Variants in GFUS observed in about 807,000 individuals in gnomAD.
The protein encoded by GFUS is GDP-L-fucose synthase.
GFUS carries 42 observed loss-of-function variants against 41.5 expected under a neutral mutation model. That is an observed-to-expected ratio of 1.01 (90% CI 0.79 to 1.31). GFUS has a LOEUF of 1.31. GFUS is among the 50% of genes most tolerant of loss of function. The pLI is 0.00. For synonymous variants in GFUS, 188 were observed against 173.4 expected (o/e 1.08, Z -0.66); for missense variants, 437 against 428.7 (o/e 1.02, Z -0.17).
rs1829603199 is a variant in GFUS at position 143,612,652 on chromosome 8, G to C, written c.*258C>G. The C allele has an allele frequency of 3.4e-6, 2 of 590,428 alleles. No individual in the cohort carries two copies. The highest frequency in any genetic ancestry group is 4.0e-5 in the South Asian group (2 of 49,686). The allele number at this position is 590,428 out of a possible 1,614,324, so 36.6% of individuals were successfully genotyped here. On this transcript the variant is annotated 3_prime_UTR_variant, in exon 11 of 11. Coordinates refer to ENST00000425753, the MANE Select transcript of GFUS (RefSeq NM_003313.4). ...AATGCACTTTATTGGCTCCCAGGGA[G>C]TGGGATGCAGGATCAGAGTGGACAC...
chr8:143,613,119 T>C lies in GFUS; in HGVS notation c.910+77A>G. On this transcript the variant is annotated intron_variant, in intron 10 of 10. Transcript: ENST00000425753. ...ACAGGCTCTGAGGGGGCACCTCACCTCTGCCCTGGTAGCGAGCATGAGGGA... is the reference window on the plus strand; with the variant it reads ...ACAGGCTCTGAGGGGGCACCTCACCCCTGCCCTGGTAGCGAGCATGAGGGA... 1.3e-6 allele frequency: 2 copies of C among 1,541,412 alleles called. 1 individual carries two copies. Among genetic ancestry groups the C allele is most frequent in the South Asian group, 2.2e-5 (2 of 89,706 alleles).
Position 143,614,698 on chromosome 8 carries a change from C to T in GFUS, c.391-1G>A. On this transcript the variant is annotated splice_acceptor_variant, in intron 4 of 10. Transcript: ENST00000425753. LOFTEE classifies it high-confidence loss of function. Reference sequence around the variant, plus strand: ...TGTTGTGGGGAGGCCCATTGTGGATCTGCGGGCGTGGGAGAGGCAGAGGCC... The same window carrying T: ...TGTTGTGGGGAGGCCCATTGTGGATTTGCGGGCGTGGGAGAGGCAGAGGCC... The T allele has an allele frequency of 6.2e-7, 1 of 1,613,044 alleles. No individual in the cohort carries two copies. Among genetic ancestry groups the T allele is most frequent in the Non-Finnish European group, 8.5e-7 (1 of 1,179,500 alleles).
intron 3 of GFUS, 174 bp downstream of exon 3, chr8:143,615,932 G>C (rs910128795): frequency 1.7e-6 from 1 of 591,228 alleles, no homozygotes; most frequent in South Asian, 2.2e-5. Context: ...ACAGCACCAA[G>C]TGTGAGTGAC....
At chr8:143,615,896 C>T in intron 3 of GFUS, 1 of 484,318 alleles carries the variant, frequency 2.1e-6, no homozygotes, top group Non-Finnish European at 3.6e-6. Flanking sequence ...CAAGTGCCTC[C>T]AGGCCCCCTG....
At chr8:143,613,391 C>A in intron 9 of GFUS, 96 bp from the exon 10 acceptor site, 2 of 1,487,780 alleles carry the variant, frequency 1.3e-6, no homozygotes, top group Non-Finnish European at 1.9e-6. Context: ...GGAGCCACAG[C>A]AGAGCTCCTC....
upstream of GFUS, chr8:143,618,023 G>C (rs1210595134): frequency 6.6e-6 from 1 of 152,294 alleles, no homozygotes; most frequent in Non-Finnish European, 1.5e-5. Context: ...GGTACGCCCA[G>C]GCTCGGGCAG....
At position 143,613,916 on chromosome 8, in the gene GFUS, G is replaced by A. The variant is rs948601727; in HGVS notation, c.664-99C>T. The A allele has an allele frequency of 2.9e-6, 4 of 1,357,918 alleles. No homozygotes were observed. The African/African-American group carries it at 4.3e-5, about 15-fold the overall frequency. The allele number at this position is 1,357,918 out of a possible 1,614,324, so 84.1% of individuals were successfully genotyped here. A position where few individuals can be genotyped will look rare whatever the true frequency, so the allele number is the denominator to read the frequency against. ...CCATACTGCTGTCCTTGTTCAGTGG[G>A]GGCTCAGCCTGGGGAACAGGGGTCC... is the stretch of plus-strand genomic sequence containing the variant. On this transcript the variant is annotated intron_variant, in intron 7 of 10. Transcript: ENST00000425753.
Position 143,616,590 on chromosome 8 carries a change from G to C in GFUS, c.123C>G (p.Val41=). The stretch of plus-strand genomic sequence containing the variant: ...ACGTGAGATCGGCGTCTTTAGAGGA[G>C]ACAAACACCCAGTCCTCTCCAGGAA... The part of the protein sequence containing the change: ...AGLPGEDWVF[V]SSKDADLTDT... Residue 41 remains valine, a synonymous_variant, in exon 2 of 11, where the codon GTC becomes GTG. Coordinates refer to ENST00000425753, the MANE Select transcript of GFUS (RefSeq NM_003313.4). The C allele has an allele frequency of 6.2e-7, 1 of 1,613,836 alleles. No individual in the cohort carries two copies. The highest frequency in any genetic ancestry group is 8.5e-7 in the Non-Finnish European group (1 of 1,179,976).
Position 143,612,901 on chromosome 8 carries a change from C to A in GFUS, c.*9G>T, listed in dbSNP as rs769745406. ...ATGGTCCGCTGGCACCTGATCCTGT[C>A]TTCCAGCTTCACTTCCGGGCCTGCT... On this transcript the variant is annotated 3_prime_UTR_variant, in exon 11 of 11. Coordinates refer to ENST00000425753, the MANE Select transcript of GFUS (RefSeq NM_003313.4). 6.2e-7 allele frequency: 1 copy of A among 1,605,304 alleles called. No homozygotes were observed. The highest frequency in any genetic ancestry group is 2.3e-5 in the East Asian group (1 of 44,346).
chr8:143,613,058 C>T (rs569359932), intron 10 of GFUS, 93 bp from the exon 11 acceptor site: 12 of 1,567,930 alleles, frequency 7.7e-6, no homozygotes, highest in African/African-American at 2.7e-5. Flanking sequence ...AGGGAAGTCA[C>T]CCCTCAGAGC....
At position 143,614,240 on chromosome 8, in the gene GFUS, G is replaced by A. The variant is rs376454473; in HGVS notation, c.599-12C>T. ...GGCCGAGCCGCTGCCTGCAGATTTG[G>A]GGAAGGAGCAGGTGTCAGAGGCACT... On this transcript the variant is annotated splice_polypyrimidine_tract_variant and intron_variant, in intron 6 of 10. Transcript: ENST00000425753. 291 of 1,613,764 alleles carry A rather than the reference G, an allele frequency of 1.8e-4. No individual in the cohort carries two copies. The highest frequency in any genetic ancestry group is 2.3e-4 in the Non-Finnish European group (271 of 1,180,012).
At position 143,613,745 on chromosome 8, in the gene GFUS, AC is replaced by A. The variant is rs1334301586; in HGVS notation, c.730+5del. On this transcript the variant is annotated splice_donor_5th_base_variant and intron_variant, in intron 8 of 10. Coordinates refer to ENST00000425753, the MANE Select transcript of GFUS (RefSeq NM_003313.4). ...GAGGAAGGGGGCTGAGGGCTGAGGTACCCACCGGAGAGGATGATGGGCTCCA... is the reference window on the plus strand; with the variant it reads ...GAGGAAGGGGGCTGAGGGCTGAGGTACCACCGGAGAGGATGATGGGCTCCA... 4 of 1,551,670 alleles carry A rather than the reference AC, an allele frequency of 2.6e-6. No homozygotes were observed. The East Asian group carries it at 9.8e-5, about 38-fold the overall frequency.
At position 143,616,121 on chromosome 8, in the gene GFUS, G is replaced by A. The variant is rs950131592; in HGVS notation, c.246C>T (p.Tyr82=). The change falls in exon 3 of 11, where the codon TAC becomes TAT. Residue 82 remains tyrosine (Y), a synonymous_variant. Coordinates refer to ENST00000425753, the MANE Select transcript of GFUS (RefSeq NM_003313.4). The stretch of plus-strand genomic sequence containing the variant: ...CCTCACTTACCCAGAAGTCCAAATT[G>A]TATTTGATATTCCGGAACAGGCCCC... ...MVGGLFRNIK[Y]NLDFWRKNVH... 5 of 1,602,610 alleles carry A rather than the reference G, an allele frequency of 3.1e-6. No homozygotes were observed. The highest frequency in any genetic ancestry group is 3.4e-6 in the Non-Finnish European group (4 of 1,172,852).
At chr8:143,616,424 C>T (rs890775328) in intron 2 of GFUS, 143 bp downstream of exon 2, 1 of 1,357,468 alleles carries the variant, frequency 7.4e-7, no homozygotes, top group Non-Finnish European at 1.0e-6. Flanking sequence ...CAAGCACACC[C>T]AGGCCAGGCC....
At chr8:143,614,141 G>A (rs761929040) in intron 7 of GFUS, 23 bp downstream of exon 7, 1 of 1,611,784 alleles carries the variant, frequency 6.2e-7, no homozygotes, top group Non-Finnish European at 8.5e-7. Context: ...TCTCTGGGGA[G>A]AGCTGTGCCT....
At position 143,614,854 on chromosome 8, in the gene GFUS, T is replaced by G. The variant is rs1408645644; in HGVS notation, c.323A>C (p.Lys108Thr). Residue 108 changes from lysine to threonine, a missense_variant, in exon 4 of 11, where the codon AAG (lysine) becomes ACG (threonine). Coordinates refer to ENST00000425753, the MANE Select transcript of GFUS (RefSeq NM_003313.4). The part of the protein sequence containing the change: ...LHSAFEVGAR[K>T]VVSCLSTCIF... ...ACAGGTGGACAGGCAGGACACCACC[T>G]TGCGGGCGCCCACCTCAAAGGCCGA... 1 of 1,613,620 alleles carries G rather than the reference T, an allele frequency of 6.2e-7. No individual in the cohort carries two copies. Among genetic ancestry groups the G allele is most frequent in the Non-Finnish European group, 8.5e-7 (1 of 1,179,932 alleles).
At position 143,612,657 on chromosome 8, in the gene GFUS, A is replaced by G; in HGVS notation, c.*253T>C. 1.7e-6 allele frequency: 1 copy of G among 591,602 alleles called. No individual in the cohort carries two copies. The allele number at this position is 591,602 out of a possible 1,614,324, so 36.6% of individuals were successfully genotyped here. On this transcript the variant is annotated 3_prime_UTR_variant, in exon 11 of 11. Coordinates refer to ENST00000425753, the MANE Select transcript of GFUS (RefSeq NM_003313.4). ...ACTTTATTGGCTCCCAGGGAGTGGG[A>G]TGCAGGATCAGAGTGGACACGCGCA...
At chr8:143,614,591 C>A in intron 5 of GFUS, 33 bp downstream of exon 5, 1 of 1,565,488 alleles carries the variant, frequency 6.4e-7, no homozygotes, top group East Asian at 2.3e-5. Context: ...TCCCCGACTC[C>A]TGGCTGGGCC....
intron 10 of GFUS, 73 bp from the exon 11 acceptor site, chr8:143,613,038 G>A (rs1829615992): frequency 6.3e-7 from 1 of 1,582,334 alleles, no homozygotes; most frequent in Non-Finnish European, 8.6e-7. Context: ...GGGGGAGGAG[G>A]CCCAGGGACA....
Sources: allele counts gnomAD v4.1 joint callset, GRCh38; gene constraint gnomAD v4.1.1; transcripts MANE v1.5; gene names NCBI Gene and HGNC (gene_info 2026-07-23, HGNC 2026-07-21).